Variants in KDM5B observed in about 807,000 individuals in gnomAD.
The protein encoded by KDM5B is lysine-specific demethylase 5B.
KDM5B carries 144 observed loss-of-function variants against 193.4 expected under a neutral mutation model. The observed-to-expected ratio is 0.74, with a 90% CI of 0.65 to 0.86. KDM5B has a LOEUF of 0.86. Ranked by LOEUF, KDM5B falls within the 40% of genes least tolerant of loss-of-function variation. The probability of loss-of-function intolerance (pLI) is 0.00; values close to 1 mark genes in which losing one functional copy is unlikely to be tolerated. For synonymous variants in KDM5B, 668 were observed against 682.6 expected (o/e 0.98, Z 0.33); for missense variants, 1,833 against 1,886.9 (o/e 0.97, Z 0.53).
chr1:202,795,784 A>C (rs1657821518), intron 1 of KDM5B, among the ~76,000 whole-genome samples: 1 of 152,024 alleles, frequency 6.6e-6, no homozygotes, highest in Admixed American at 6.6e-5. Context: ...AGGGGTCCTA[A>C]TTAACTTTTT....
At chr1:202,745,211 A>C (rs1302353260) in intron 16 of KDM5B, among the ~76,000 whole-genome samples, 2 of 152,198 alleles carry the variant, frequency 1.3e-5, no homozygotes, top group African/African-American at 4.8e-5. Context: ...GCTCCAGAAA[A>C]ATAACTAATG....
intron 9 of KDM5B, 80 bp downstream of exon 9, chr1:202,758,311 C>A: frequency 8.0e-7 from 1 of 1,255,098 alleles, no homozygotes; most frequent in Middle Eastern, 2.0e-4. Context: ...AGTGAGGCCT[C>A]AACTAAAAAT....
In KDM5B at chr1:202,791,804, T is replaced by C. The variant is rs1019639542; in HGVS notation, c.205-14710A>G. ...CGCGATCTCGGCTCACTGCAACCTC[T>C]GCCTCCCAGGTTCAAGCGATTCTTC... is the stretch of plus-strand genomic sequence containing the variant. On this transcript the variant is annotated intron_variant, in intron 1 of 26. Transcript: ENST00000367265. 3.3e-5 allele frequency among the ~76,000 whole-genome samples: 5 copies of C among 152,304 alleles called. 1 individual carries two copies. The highest frequency in any genetic ancestry group is 3.3e-4 in the Admixed American group (5 of 15,290).
At position 202,758,413 on chromosome 1, in the gene KDM5B, T is replaced by A. The variant is rs1168712088; in HGVS notation, c.1175A>T (p.Asp392Val). The A allele has an allele frequency of 6.2e-7, 1 of 1,612,140 alleles. No homozygotes were observed. ...FGEMADAFKS[D>V]YFNMPVHMVP... Reference sequence around the variant, plus strand: ...TACATGGACTGGCATGTTGAAGTAATCAGATTTGAACGCATCTGCCATTTC... The same window carrying A: ...TACATGGACTGGCATGTTGAAGTAAACAGATTTGAACGCATCTGCCATTTC... Residue 392 changes from aspartate to valine, a missense_variant, in exon 9 of 27, where the codon GAT becomes GTT. Coordinates refer to ENST00000367265, the MANE Select transcript of KDM5B (RefSeq NM_006618.5).
At chr1:202,771,783 T>C (rs866672664) in intron 4 of KDM5B, among the ~76,000 whole-genome samples, 29 of 151,800 alleles carry the variant, frequency 1.9e-4, no homozygotes, top group African/African-American at 7.0e-4. Context: ...GGTTTCACCA[T>C]GTTGGCCAGG....
intron 1 of KDM5B, among the ~76,000 whole-genome samples, chr1:202,785,045 G>A (rs12049380): frequency 0.059 from 8,867 of 151,322 alleles, 453 homozygotes; most frequent in East Asian, 0.24. Flanking sequence ...TACCTTTTAG[G>A]ACTGTGGTGA....
chr1:202,788,646 AT>A (rs988896966), intron 1 of KDM5B, among the ~76,000 whole-genome samples: 1 of 152,170 alleles, frequency 6.6e-6, no homozygotes, highest in African/African-American at 2.4e-5. Flanking sequence ...ATTCACAGAC[AT>A]TTTATGATAC....
At chr1:202,762,912 G>GT in intron 6 of KDM5B, 104 bp from the exon 7 acceptor site, 1 of 698,722 alleles carries the variant, frequency 1.4e-6, no homozygotes, top group Non-Finnish European at 2.6e-6. Flanking sequence ...TTTCATGTGT[G>GT]TTTTCACATT....
rs2102206876 is a variant in KDM5B at position 202,729,620 on chromosome 1, G to A, written c.4497+87C>T. On this transcript the variant is annotated intron_variant, in intron 26 of 26. Transcript: ENST00000367265. The stretch of plus-strand genomic sequence containing the variant: ...GATCAGCTCAAAGCAGATAAGCAGA[G>A]GAGAAAGACCCAGCGAGATGAGGTC... The A allele has an allele frequency of 3.5e-6, 4 of 1,140,250 alleles. No individual in the cohort carries two copies. The South Asian group carries it at 6.1e-5, about 17-fold the overall frequency. 70.6% of individuals were successfully genotyped at this position (1,140,250 alleles called of 1,614,324 possible).
chr1:202,751,642 C>CTAT (rs2102253539), intron 12 of KDM5B, among the ~76,000 whole-genome samples: 1 of 152,268 alleles, frequency 6.6e-6, no homozygotes, highest in East Asian at 1.9e-4. Context: ...TTCTGATTCT[C>CTAT]AATAGAGTTA....
intron 22 of KDM5B, among the ~76,000 whole-genome samples, chr1:202,735,107 A>C (rs10920468): frequency 0.042 from 6,446 of 152,316 alleles, 346 homozygotes; most frequent in East Asian, 0.24. Context: ...CTAATAAATT[A>C]GCATTGCATT....
chr1:202,769,030 CTTTT>C (rs1273285459), intron 4 of KDM5B, among the ~76,000 whole-genome samples: 1 of 141,786 alleles, frequency 7.1e-6, no homozygotes, highest in Non-Finnish European at 1.5e-5. Context: ...CTATTATATT[CTTTT>C]TTTTTCTTTT....
intron 20 of KDM5B, 100 bp downstream of exon 20, chr1:202,740,574 G>A (rs959529552): frequency 2.3e-5 from 27 of 1,152,210 alleles, no homozygotes; most frequent in Non-Finnish European, 2.7e-5. Flanking sequence ...GCGGCTGGCC[G>A]GGTCGGGGGC....
At chr1:202,761,897 T>C (rs1320067431) in intron 7 of KDM5B, among the ~76,000 whole-genome samples, 1 of 152,146 alleles carries the variant, frequency 6.6e-6, no homozygotes, top group Non-Finnish European at 1.5e-5. Flanking sequence ...ATGGGGAGTC[T>C]GTTGCAGTCT....
chr1:202,786,759 C>T (rs545413135), intron 1 of KDM5B, among the ~76,000 whole-genome samples: 8 of 152,224 alleles, frequency 5.3e-5, no homozygotes, highest in African/African-American at 1.7e-4. Flanking sequence ...AGAAAATACA[C>T]ATATTGGCCG....
At chr1:202,784,895 A>T (rs1238044375) in intron 1 of KDM5B, among the ~76,000 whole-genome samples, 1 of 151,862 alleles carries the variant, frequency 6.6e-6, no homozygotes, top group East Asian at 1.9e-4. Context: ...TTGGCCGGGC[A>T]TTGTGGCGCA....
In KDM5B at chr1:202,725,516, C is replaced by T. The variant is rs1286605362; in HGVS notation, c.*3520G>A. ...GGGCAAAGAGGGCGAAGCCATCACA[C>T]TGCTGCTTCATAGTCACTAGGAGTT... On this transcript the variant is annotated 3_prime_UTR_variant, in exon 27 of 27. Coordinates refer to ENST00000367265, the MANE Select transcript of KDM5B (RefSeq NM_006618.5). 1 of 152,222 alleles carries T rather than the reference C, an allele frequency of 6.6e-6. No individual in the cohort carries two copies. Among genetic ancestry groups the T allele is most frequent in the Non-Finnish European group, 1.5e-5 (1 of 68,044 alleles). 9.4% of individuals were successfully genotyped at this position (152,222 alleles called of 1,614,324 possible). A position where few individuals can be genotyped will look rare whatever the true frequency, so the allele number is the denominator to read the frequency against.
In KDM5B at chr1:202,746,337, T is replaced by C. The variant is rs1655559729; in HGVS notation, c.2017-14A>G. 2 of 1,567,492 alleles carry C rather than the reference T, an allele frequency of 1.3e-6. No homozygotes were observed. The highest frequency in any genetic ancestry group is 1.4e-5 in the African/African-American group (1 of 72,938). ...ATCAATCACTCCCTAGAATAAAGTA[T>C]ACTTTAGAGAGACCTCCAAAGGATA... On this transcript the variant is annotated splice_polypyrimidine_tract_variant and intron_variant, in intron 14 of 26. Coordinates refer to ENST00000367265, the MANE Select transcript of KDM5B (RefSeq NM_006618.5).
intron 1 of KDM5B, among the ~76,000 whole-genome samples, chr1:202,778,811 G>A (rs1572758674): frequency 1.3e-5 from 2 of 151,998 alleles, no homozygotes; most frequent in South Asian, 4.1e-4. Flanking sequence ...TAGTAGAGGC[G>A]GGGTTTCACC....
Sources: gnomAD v4.1 joint callset for allele counts (sites outside exome capture counted in the v4.1 genomes callset) on GRCh38, gnomAD v4.1.1 for gene constraint, MANE v1.5 for transcripts, NCBI Gene and HGNC (gene_info 2026-07-23, HGNC 2026-07-21) for gene names.